NRXN1: variants seen among roughly 807,000 people sequenced by gnomAD.
NRXN1 encodes neurexin-1.
NRXN1 carries 39 observed loss-of-function variants against 150.9 expected under a neutral mutation model. The observed-to-expected ratio is 0.26, with a 90% CI of 0.20 to 0.34. The LOEUF (loss-of-function observed/expected upper bound fraction) is 0.34, where lower values mean the gene tolerates loss of function less well. NRXN1 is among the 10% of genes least tolerant of loss of function. The pLI is 1.00. For synonymous variants in NRXN1, 924 were observed against 757.0 expected (o/e 1.22, Z -3.62); for missense variants, 1,815 against 1,949.9 (o/e 0.93, Z 1.30).
chr2:50,890,424 T>A (rs1680876809), intron 5 of NRXN1, among the ~76,000 whole-genome samples: 3 of 151,842 alleles, frequency 2.0e-5, no homozygotes, highest in Non-Finnish European at 4.4e-5. Flanking sequence ...ATTAAAAGAC[T>A]GAAACTGACT....
At chr2:50,701,141 C>T (rs1325308570) in intron 5 of NRXN1, among the ~76,000 whole-genome samples, 1 of 152,120 alleles carries the variant, frequency 6.6e-6, no homozygotes, top group African/African-American at 2.4e-5. Context: ...TTATTTATCA[C>T]ACCTTGTCTA....
chr2:49,960,129 A>T (rs1430712444), intron 21 of NRXN1, among the ~76,000 whole-genome samples: 1 of 152,146 alleles, frequency 6.6e-6, no homozygotes, highest in Middle Eastern at 3.2e-3. Flanking sequence ...AGACCTTGGA[A>T]ATTTTAAGTA....
intron 17 of NRXN1, among the ~76,000 whole-genome samples, chr2:50,384,505 C>CAAAAAAAAAAAAAAAA (rs56052881): frequency 1.8e-5 from 1 of 55,962 alleles, no homozygotes; most frequent in African/African-American, 6.4e-5. Context: ...GACTCCATCT[C>CAAAAAAAAAAAAAAAA]AAAAAAAAAA....
chr2:50,068,165 T>G (rs1166834329), intron 19 of NRXN1, among the ~76,000 whole-genome samples: 1 of 152,030 alleles, frequency 6.6e-6, no homozygotes, highest in Non-Finnish European at 1.5e-5. Flanking sequence ...GTAACTGGAA[T>G]GCAAGATTTT....
At chr2:50,076,168 G>A (rs568643013) in intron 19 of NRXN1, among the ~76,000 whole-genome samples, 1 of 152,276 alleles carries the variant, frequency 6.6e-6, no homozygotes, top group African/African-American at 2.4e-5. Flanking sequence ...TGGGTTTGGG[G>A]ACAGAAGCGG....
At chr2:50,202,858 AT>A (rs145667152) in intron 18 of NRXN1, among the ~76,000 whole-genome samples, 7 of 151,398 alleles carry the variant, frequency 4.6e-5, no homozygotes, top group East Asian at 3.9e-4. Context: ...ACTGATCCAC[AT>A]TTTTTTTTGT....
chr2:50,923,549 A>C (rs188958217), intron 3 of NRXN1: 123 of 213,186 alleles, frequency 5.8e-4, no homozygotes, highest in Non-Finnish European at 9.1e-4. Context: ...CTTCTAAATA[A>C]TACTACTAAC....
At chr2:50,938,878 G>A (rs1448244240) in intron 2 of NRXN1, among the ~76,000 whole-genome samples, 1 of 152,112 alleles carries the variant, frequency 6.6e-6, no homozygotes, top group Non-Finnish European at 1.5e-5. Context: ...AGGCTTAGCA[G>A]TATATTTATA....
intron 17 of NRXN1, among the ~76,000 whole-genome samples, chr2:50,350,021 T>C (rs2078297656): frequency 6.6e-6 from 1 of 152,224 alleles, no homozygotes; most frequent in Admixed American, 6.5e-5. Context: ...TTATTCACAG[T>C]AGCTGTGGCA....
intron 8 of NRXN1, among the ~76,000 whole-genome samples, chr2:50,561,506 G>A (rs1669074966): frequency 2.6e-5 from 4 of 152,270 alleles, no homozygotes. Flanking sequence ...ATCAATCTCT[G>A]ATCAAAATAA....
At chr2:51,030,594 C>G (rs552474405) in intron 1 of NRXN1, among the ~76,000 whole-genome samples, 1 of 151,944 alleles carries the variant, frequency 6.6e-6, no homozygotes, top group South Asian at 2.1e-4. Flanking sequence ...CGCACATACA[C>G]ACTGCCCACT....
At chr2:50,095,793 T>TA (rs1348957445) in intron 18 of NRXN1, among the ~76,000 whole-genome samples, 5 of 151,028 alleles carry the variant, frequency 3.3e-5, no homozygotes, top group Admixed American at 6.6e-5. Context: ...TATATATATA[T>TA]TTTTTTATTA....
intron 5 of NRXN1, among the ~76,000 whole-genome samples, chr2:50,902,672 G>GA (rs745932437): frequency 2.0e-5 from 3 of 152,116 alleles, no homozygotes; most frequent in South Asian, 4.1e-4. Context: ...GGTGTAGTTT[G>GA]ACCTTAGTGG....
intron 18 of NRXN1, among the ~76,000 whole-genome samples, chr2:50,217,757 C>T (rs968019887): frequency 2.0e-5 from 3 of 152,034 alleles, no homozygotes; most frequent in Admixed American, 1.3e-4. Context: ...AAGCTTTAGA[C>T]TCTTACTTGA....
At chr2:50,080,742 T>C (rs1047114703) in intron 19 of NRXN1, among the ~76,000 whole-genome samples, 1 of 152,106 alleles carries the variant, frequency 6.6e-6, no homozygotes, top group African/African-American at 2.4e-5. Context: ...AGTACAAAAG[T>C]TGGTCCTATT....
intron 18 of NRXN1, among the ~76,000 whole-genome samples, chr2:50,185,888 A>C (rs1382858854): frequency 6.6e-6 from 1 of 152,100 alleles, no homozygotes; most frequent in Non-Finnish European, 1.5e-5. Flanking sequence ...CTTGGTTTAA[A>C]ATAGTTTTAC....
intron 19 of NRXN1, among the ~76,000 whole-genome samples, chr2:50,066,060 C>A (rs760679456): frequency 6.6e-5 from 10 of 152,194 alleles, no homozygotes; most frequent in African/African-American, 2.4e-4. Context: ...TTTACAACTG[C>A]GGTTCCTACA....
At chr2:50,831,485 A>T (rs1671399322) in intron 5 of NRXN1, among the ~76,000 whole-genome samples, 1 of 152,126 alleles carries the variant, frequency 6.6e-6, no homozygotes, top group Non-Finnish European at 1.5e-5. Context: ...TGTGGGAGCT[A>T]ATGAGTAGAG....
chr2:49,975,946 T>C (rs1171676458), intron 21 of NRXN1, among the ~76,000 whole-genome samples: 1 of 152,032 alleles, frequency 6.6e-6, no homozygotes, highest in Non-Finnish European at 1.5e-5. Context: ...AAATTTAAAT[T>C]GTGTATAGGC....
Sources: allele counts gnomAD v4.1 joint callset (sites outside exome capture counted in the v4.1 genomes callset), GRCh38; gene constraint gnomAD v4.1.1; transcripts MANE v1.5; gene names NCBI Gene and HGNC (gene_info 2026-07-23, HGNC 2026-07-21).